Variants in MSN observed in about 807,000 individuals in gnomAD.
MSN encodes epididymis luminal protein 70.
In MSN, 2 loss-of-function variants were observed where a neutral mutation model predicts 48.0. The ratio of observed to expected loss-of-function variants is 0.04; its 90% CI spans 0.02 to 0.13. The LOEUF (loss-of-function observed/expected upper bound fraction) is 0.13, where lower values mean the gene tolerates loss of function less well. Among genes scored for constraint, MSN ranks in the 10% least tolerant of loss-of-function variants. MSN has a pLI of 1.00. For synonymous variants in MSN, 146 were observed against 166.9 expected, an observed-to-expected ratio of 0.87 and a Z score of 0.97; for missense variants, 267 against 470.1, an observed-to-expected ratio of 0.57 and a Z score of 3.99.
intron 1 of MSN, 70 bp downstream of exon 1, chrX:65,667,923 C>T (rs2070890730): frequency 4.4e-6 from 5 of 1,127,213 alleles, no homozygotes; most frequent in Non-Finnish European, 6.0e-6. Flanking sequence ...TTGCTGATGG[C>T]TGAGGGCTTG....
chrX:65,618,534 T>G (rs879106865), intron 1 of MSN, among the ~76,000 whole-genome samples: 8 of 111,312 alleles, frequency 7.2e-5, no homozygotes, highest in East Asian at 2.8e-4. Flanking sequence ...TGCAACCCCT[T>G]CCTTTTTTGG....
intron 1 of MSN, among the ~76,000 whole-genome samples, chrX:65,631,235 A>C (rs748514749): frequency 4.6e-5 from 5 of 109,547 alleles, no homozygotes; most frequent in South Asian, 8.0e-4. Context: ...CTGGGATTAC[A>C]GGCGCCCACC....
intron 1 of MSN, among the ~76,000 whole-genome samples, chrX:65,600,067 T>C (rs2070221645): frequency 9.1e-6 from 1 of 110,362 alleles, no homozygotes; most frequent in South Asian, 3.9e-4. Flanking sequence ...GCAGTGGTTT[T>C]GGGGGTGGCT....
At chrX:65,667,648 A>G, upstream of MSN, 1 of 1,027,256 alleles carries the variant, frequency 9.7e-7, no homozygotes, top group East Asian at 3.7e-5. Flanking sequence ...GCGGCGCGAC[A>G]GGGGCGGCTC....
chrX:65,691,270 G>A (rs1273436713), intron 1 of MSN, among the ~76,000 whole-genome samples: 6 of 110,928 alleles, frequency 5.4e-5, no homozygotes, highest in Non-Finnish European at 9.4e-5. Context: ...TGCTGAATTG[G>A]TTTAAGGGCA....
intron 1 of MSN, among the ~76,000 whole-genome samples, chrX:65,645,510 G>C (rs1365854218): frequency 9.1e-6 from 1 of 110,243 alleles, no homozygotes; most frequent in Non-Finnish European, 1.9e-5. Flanking sequence ...CGGGGGTGGT[G>C]GTGAGGGGGA....
At chrX:65,672,940 A>T (rs1180870423) in intron 1 of MSN, among the ~76,000 whole-genome samples, 1 of 111,832 alleles carries the variant, frequency 8.9e-6, no homozygotes, top group Non-Finnish European at 1.9e-5. Context: ...AGCGCTTATT[A>T]AAATGTATCC....
chrX:65,664,752 C>CTT (rs1406578094), upstream of MSN, among the ~76,000 whole-genome samples: 2 of 94,004 alleles, frequency 2.1e-5, no homozygotes, highest in Admixed American at 1.2e-4. Context: ...TGCCCCCTTT[C>CTT]TTTTTTTTTT....
At chrX:65,692,096 G>A (rs960429034) in intron 1 of MSN, among the ~76,000 whole-genome samples, 1 of 112,418 alleles carries the variant, frequency 8.9e-6, no homozygotes, top group Non-Finnish European at 1.9e-5. Flanking sequence ...CTTTTCTGAG[G>A]GAATAGGGAG....
At chrX:65,599,382 C>T (rs1602707020) in intron 1 of MSN, among the ~76,000 whole-genome samples, 1 of 112,653 alleles carries the variant, frequency 8.9e-6, no homozygotes, top group Non-Finnish European at 1.9e-5. Context: ...CGCCCATAAT[C>T]CCAGCACTTT....
chrX:65,714,336 A>G (rs1017505391), intron 1 of MSN, among the ~76,000 whole-genome samples: 10 of 111,849 alleles, frequency 8.9e-5, no homozygotes, highest in African/African-American at 3.3e-4. Context: ...TATACCCCAT[A>G]ATGATATTGC....
At chrX:65,635,500 T>C (rs1050125198) in intron 1 of MSN, among the ~76,000 whole-genome samples, 5 of 111,774 alleles carry the variant, frequency 4.5e-5, no homozygotes, top group African/African-American at 1.3e-4. Context: ...GTTTATTCAG[T>C]CAGGGGACGG....
chrX:65,622,220 G>A (rs1391685442), intron 1 of MSN, among the ~76,000 whole-genome samples: 1 of 106,085 alleles, frequency 9.4e-6, no homozygotes, highest in Non-Finnish European at 1.9e-5. Flanking sequence ...TCAGCCTCCT[G>A]AGTAGCTGGG....
intron 1 of MSN, among the ~76,000 whole-genome samples, chrX:65,659,035 G>A (rs2070803023): frequency 9.1e-6 from 1 of 109,439 alleles, no homozygotes; most frequent in South Asian, 3.9e-4. Context: ...AGTAGAGACA[G>A]GTTTCACCAT....
At chrX:65,590,105 G>A (rs745363160) in intron 1 of MSN, among the ~76,000 whole-genome samples, 14 of 110,620 alleles carry the variant, frequency 1.3e-4, no homozygotes, top group Non-Finnish European at 2.5e-4. Flanking sequence ...GTGAGCCACC[G>A]GGGCCGGCCA....
In MSN at chrX:65,727,799, G is replaced by C; in HGVS notation, c.97-15G>C. ...TATTCAATCAATGGTTGGTTGTTTT[G>C]GTTTTCTCTTCTAGGTGGTGAAAAC... On this transcript the variant is annotated splice_polypyrimidine_tract_variant and intron_variant, in intron 2 of 12. Transcript: ENST00000360270. 1 of 1,189,194 alleles carries C rather than the reference G, an allele frequency of 8.4e-7. No individual in the cohort carries two copies. The highest frequency in any genetic ancestry group is 1.1e-6 in the Non-Finnish European group (1 of 876,412).
chrX:65,607,593 A>G (rs959215), intron 1 of MSN, among the ~76,000 whole-genome samples: 16,648 of 111,151 alleles, frequency 0.15, 3,060 homozygotes, highest in African/African-American at 0.51. Context: ...AGTTAACTTC[A>G]GGAAGGAGAC....
intron 6 of MSN, 123 bp from the exon 7 acceptor site, chrX:65,733,058 TTTA>T: frequency 2.0e-6 from 1 of 496,264 alleles, no homozygotes; most frequent in African/African-American, 2.4e-5. Context: ...CTCTATTTAT[TTTA>T]AAAAAAAAAA....
chrX:65,637,193 G>C (rs2070611365), intron 1 of MSN, among the ~76,000 whole-genome samples: 1 of 109,514 alleles, frequency 9.1e-6, no homozygotes. Context: ...ACCTGAGGTT[G>C]GGAGTTCGAG....
Sources: allele counts gnomAD v4.1 joint callset (sites outside exome capture counted in the v4.1 genomes callset), GRCh38; gene constraint gnomAD v4.1.1; transcripts MANE v1.5; gene names NCBI Gene and HGNC (gene_info 2026-07-23, HGNC 2026-07-21).